Variants in POC1B observed in about 807,000 individuals in gnomAD.
POC1B encodes the protein POC1 centriolar protein homolog B.
POC1B carries 44 observed loss-of-function variants against 60.6 expected under a neutral mutation model. The ratio of observed to expected loss-of-function variants is 0.73; its 90% confidence interval spans 0.57 to 0.93. POC1B has a LOEUF of 0.93. POC1B is among the 40% of genes least tolerant of loss of function. The pLI is 0.00. For synonymous variants in POC1B, 180 were observed against 198.9 expected, an observed-to-expected ratio of 0.90 and a Z score of 0.80; for missense variants, 555 against 572.3, an observed-to-expected ratio of 0.97 and a Z score of 0.31.
intron 10 of POC1B, among the ~76,000 whole-genome samples, chr12:89,457,599 T>C (rs748540700): frequency 7.9e-5 from 12 of 152,204 alleles, no homozygotes; most frequent in Non-Finnish European, 1.8e-4. Context: ...AGATTTTGTT[T>C]TCCTGTGTTT....
At position 89,421,175 on chromosome 12, in the gene POC1B, C is replaced by A. The variant is rs190372850; in HGVS notation, c.1415G>T (p.Ser472Ile). The A allele has an allele frequency of 1.9e-6, 3 of 1,599,024 alleles. No homozygotes were observed. The African/African-American group carries it at 4.0e-5, about 21-fold the overall frequency. ...DCLENQQKLF[S>I]AVQQKS ...TATTCAGCTTTTCTGTTGGACAGCA[C>A]TGAAAAGCTTTTGCTGATTTTCAAG... The change falls in exon 12 of 12, where the codon AGT (serine) becomes ATT (isoleucine). Residue 472 changes from serine to isoleucine, a missense_variant. Physicochemically the swap from Ser to Ile is moderately radical, Grantham distance 142. Coordinates refer to ENST00000313546, the MANE Select transcript of POC1B (RefSeq NM_172240.3).
downstream of POC1B, among the ~76,000 whole-genome samples, chr12:89,417,858 G>A (rs1238690407): frequency 6.6e-6 from 1 of 152,156 alleles, no homozygotes; most frequent in East Asian, 1.9e-4. Context: ...TTCTTGAAAT[G>A]GGCTGCTGAG....
chr12:89,421,058 G>A lies in POC1B; in HGVS notation c.*95C>T, dbSNP rs1880508271. 2 of 892,138 alleles carry A rather than the reference G, an allele frequency of 2.2e-6. No individual in the cohort carries two copies. The highest frequency in any genetic ancestry group is 3.4e-6 in the Non-Finnish European group (2 of 593,654). The allele number at this position is 892,138 out of a possible 1,614,324, so 55.3% of individuals were successfully genotyped here. On this transcript the variant is annotated 3_prime_UTR_variant, in exon 12 of 12. Coordinates refer to ENST00000313546, the MANE Select transcript of POC1B (RefSeq NM_172240.3). ...ATGCCATGATAAATAGCACATGGTT[G>A]TGTTGTATGGAGTATCTTGTACTAC...
In POC1B at chr12:89,502,610, G is replaced by C. The variant is rs369959865; in HGVS notation, c.101-5268C>G. On this transcript the variant is annotated intron_variant, in intron 2 of 11. Transcript: ENST00000313546. Reference sequence around the variant, plus strand: ...AATGGTAAAGGACCCAGAAACAAGAGAGATTATTCTCATGGATCTTGTAAG... The same window carrying C: ...AATGGTAAAGGACCCAGAAACAAGACAGATTATTCTCATGGATCTTGTAAG... The C allele has an allele frequency of 4.1e-5, 52 of 1,283,930 alleles. No homozygotes were observed. In the African/African-American group the frequency reaches 7.1e-4, roughly 18 times the overall value. 79.5% of individuals were successfully genotyped at this position (1,283,930 alleles called of 1,614,324 possible). A position where few individuals can be genotyped will look rare whatever the true frequency, so the allele number is the denominator to read the frequency against.
At chr12:89,469,112 A>C (rs1245535695) in intron 7 of POC1B, among the ~76,000 whole-genome samples, 4 of 152,126 alleles carry the variant, frequency 2.6e-5, no homozygotes, top group African/African-American at 7.2e-5. Context: ...TAAACAAACA[A>C]ACAAACAAAA....
chr12:89,524,690 C>T (rs887272219), intron 2 of POC1B: 8 of 870,134 alleles, frequency 9.2e-6, no homozygotes, highest in Non-Finnish European at 8.8e-6. Flanking sequence ...TCCAGCCACC[C>T]AGGCTTTCCA....
chr12:89,457,400 T>C (rs1281366883), intron 10 of POC1B, among the ~76,000 whole-genome samples: 2 of 152,212 alleles, frequency 1.3e-5, no homozygotes, highest in South Asian at 2.1e-4. Context: ...ACATTGAAAA[T>C]TTAAAGAAAA....
At chr12:89,441,692 TAA>T (rs1292141476) in intron 10 of POC1B, among the ~76,000 whole-genome samples, 3 of 152,218 alleles carry the variant, frequency 2.0e-5, no homozygotes, top group Non-Finnish European at 2.9e-5. Context: ...CTGAAAATTC[TAA>T]AAATCAGAGT....
chr12:89,501,323 C>A, intron 2 of POC1B: 1 of 991,150 alleles, frequency 1.0e-6, no homozygotes, highest in Non-Finnish European at 1.6e-6. Flanking sequence ...TCCAAGAATG[C>A]AGAAAAATCA....
In POC1B at chr12:89,497,133, A is replaced by G. The variant is rs1242502351; in HGVS notation, c.272+38T>C. 4 of 1,587,918 alleles carry G rather than the reference A, an allele frequency of 2.5e-6. No individual in the cohort carries two copies. In the African/African-American group the frequency reaches 4.1e-5, roughly 16 times the overall value. ...GGGTCAGCTTTCTTTCACATTTCCA[A>G]ATCCAAAGGATATCAAGTGTTTCTT... On this transcript the variant is annotated intron_variant, in intron 3 of 11. Transcript: ENST00000313546.
At chr12:89,500,400 C>G (rs535388750) in intron 2 of POC1B, 1 of 1,508,124 alleles carries the variant, frequency 6.6e-7, no homozygotes, top group Non-Finnish European at 9.2e-7. Flanking sequence ...GTTGTAGAAC[C>G]AAGTGAAGCC....
chr12:89,408,052 C>G, the POC1B span, among the ~76,000 whole-genome samples: 1 of 152,116 alleles, frequency 6.6e-6, no homozygotes, highest in Non-Finnish European at 1.5e-5. Context: ...TGAGAACATG[C>G]GGTGTTTGGT....
rs114459896 is a variant in POC1B at position 89,435,984 on chromosome 12, C to T, written c.1114-10605G>A. Among the ~76,000 whole-genome samples, 344 of 148,596 alleles carry T rather than the reference C, an allele frequency of 2.3e-3. 1 individual carries two copies. The highest frequency in any genetic ancestry group is 7.9e-3 in the African/African-American group (318 of 40,402). On this transcript the variant is annotated intron_variant, in intron 10 of 11. Transcript: ENST00000313546. ...TTTTTGAGACAGAATCTCACTATGTCGCCAGGCTGGAATGTAGTGGCACGA... is the reference window on the plus strand; with the variant it reads ...TTTTTGAGACAGAATCTCACTATGTTGCCAGGCTGGAATGTAGTGGCACGA...
intron 4 of POC1B, among the ~76,000 whole-genome samples, chr12:89,486,795 T>C (rs1191368326): frequency 6.6e-6 from 1 of 152,152 alleles, no homozygotes; most frequent in African/African-American, 2.4e-5. Context: ...ATTTCACTTT[T>C]CAAAACTCTG....
the POC1B span, among the ~76,000 whole-genome samples, chr12:89,407,148 C>CA: frequency 0.089 from 5,602 of 62,940 alleles, 349 homozygotes; most frequent in East Asian, 0.19. Flanking sequence ...GACTCCGTCT[C>CA]AAAAAAAAAA....
At chr12:89,522,940 C>G (rs759057914) in intron 2 of POC1B, 42 of 1,613,906 alleles carry the variant, frequency 2.6e-5, no homozygotes, top group Non-Finnish European at 3.5e-5. Flanking sequence ...AAAAATAGTT[C>G]CATCTTCTTT....
At position 89,506,096 on chromosome 12, in the gene POC1B, T is replaced by C. The variant is rs570365710; in HGVS notation, c.101-8754A>G. On this transcript the variant is annotated intron_variant, in intron 2 of 11. Coordinates refer to ENST00000313546, the MANE Select transcript of POC1B (RefSeq NM_172240.3). ...GTAGTTTTGAGATGCCAATTAGACA[T>C]ACAAGTGAAAATGTCAAGTAGGAAG... is the stretch of plus-strand genomic sequence containing the variant. Among the ~76,000 whole-genome samples, 108 of 152,272 alleles carry C rather than the reference T, an allele frequency of 7.1e-4. 1 individual carries two copies. Among genetic ancestry groups the C allele is most frequent in the South Asian group, 1.9e-3 (9 of 4,822 alleles).
At chr12:89,515,741 C>A (rs1454749009) in intron 2 of POC1B, among the ~76,000 whole-genome samples, 1 of 152,148 alleles carries the variant, frequency 6.6e-6, no homozygotes, top group Non-Finnish European at 1.5e-5. Flanking sequence ...ACTTGCTTTC[C>A]TTATGACTCA....
intron 10 of POC1B, among the ~76,000 whole-genome samples, chr12:89,431,748 C>G (rs776804020): frequency 6.6e-6 from 1 of 152,218 alleles, no homozygotes; most frequent in Non-Finnish European, 1.5e-5. Context: ...TGTTCATTTC[C>G]TACTGCTGCT....
Sources: allele counts gnomAD v4.1 joint callset (sites outside exome capture counted in the v4.1 genomes callset), GRCh38; gene constraint gnomAD v4.1.1; transcripts MANE v1.5; gene names NCBI Gene and HGNC (gene_info 2026-07-23, HGNC 2026-07-21).